Variants in RALYL observed in about 807,000 individuals in gnomAD.
The protein encoded by RALYL is RNA-binding Raly-like protein.
RALYL carries 29 observed loss-of-function variants against 35.1 expected under a neutral mutation model. The ratio of observed to expected loss-of-function variants is 0.83; its 90% CI spans 0.61 to 1.13. The LOEUF (loss-of-function observed/expected upper bound fraction) is 1.13. Among genes scored for constraint, RALYL ranks in the 50% most tolerant of loss-of-function variants. The pLI is 0.00. For synonymous variants in RALYL, 120 were observed against 127.6 expected, an observed-to-expected ratio of 0.94 and a Z score of 0.40; for missense variants, 359 against 360.4, an observed-to-expected ratio of 1.00 and a Z score of 0.03.
intron 2 of RALYL, among the ~76,000 whole-genome samples, chr8:84,715,436 G>A (rs111651968): frequency 4.6e-3 from 699 of 151,878 alleles, no homozygotes; most frequent in African/African-American, 0.015. Context: ...GAGTTAAAAA[G>A]CAACCTTATA....
chr8:84,221,472 A>G (rs913752224), intron 1 of RALYL, among the ~76,000 whole-genome samples: 3 of 152,058 alleles, frequency 2.0e-5, no homozygotes, highest in African/African-American at 7.2e-5. Flanking sequence ...GCTCTGGGGA[A>G]ATCTTGGGTT....
intron 2 of RALYL, among the ~76,000 whole-genome samples, chr8:84,621,360 C>T (rs1004396786): frequency 4.6e-5 from 7 of 152,126 alleles, no homozygotes; most frequent in Non-Finnish European, 8.8e-5. Context: ...CCCAATTTTC[C>T]AGGTGCCGGC....
In RALYL at chr8:84,342,297, A is replaced by G. The variant is rs1032721680; in HGVS notation, c.-24+157873A>G. Among the ~76,000 whole-genome samples, 20 of 54,816 alleles carry G rather than the reference A, an allele frequency of 3.6e-4. 3 individuals are homozygous for G. Among genetic ancestry groups the G allele is most frequent in the African/African-American group, 2.5e-3 (18 of 7,166 alleles). 36.0% of individuals were successfully genotyped at this position (54,816 alleles called of 152,430 possible). ...CGTTCAATATATATATATATATATAAAACTCAAAAAGTGTGGTCCTCCCAA... is the reference window on the plus strand; with the variant it reads ...CGTTCAATATATATATATATATATAGAACTCAAAAAGTGTGGTCCTCCCAA... On this transcript the variant is annotated intron_variant, in intron 1 of 8. Coordinates refer to ENST00000521268, the MANE Select transcript of RALYL (RefSeq NM_173848.7).
chr8:84,848,437 GTA>G (rs34063344), intron 4 of RALYL, among the ~76,000 whole-genome samples: 43 of 148,478 alleles, frequency 2.9e-4, no homozygotes, highest in African/African-American at 9.1e-4. Flanking sequence ...GTGTGTGTGT[GTA>G]TATATATATA....
intron 2 of RALYL, among the ~76,000 whole-genome samples, chr8:84,667,428 G>A (rs981696536): frequency 6.6e-6 from 1 of 151,866 alleles, no homozygotes; most frequent in Non-Finnish European, 1.5e-5. Flanking sequence ...TAGTATATTT[G>A]CCATAATTTT....
intron 1 of RALYL, among the ~76,000 whole-genome samples, chr8:84,445,534 A>T (rs2048760599): frequency 6.6e-6 from 1 of 151,890 alleles, no homozygotes; most frequent in Non-Finnish European, 1.5e-5. Flanking sequence ...TGCATATCAT[A>T]GTTCTATGTT....
At chr8:84,487,703 G>A (rs1180053196) in intron 1 of RALYL, among the ~76,000 whole-genome samples, 1 of 152,030 alleles carries the variant, frequency 6.6e-6, no homozygotes, top group African/African-American at 2.4e-5. Context: ...TCAAAAAATG[G>A]ACTGCAAAGC....
chr8:84,551,091 C>G (rs2060689910), intron 2 of RALYL, among the ~76,000 whole-genome samples: 1 of 151,590 alleles, frequency 6.6e-6, no homozygotes, highest in African/African-American at 2.4e-5. Context: ...CACTGAATAA[C>G]TCTAGTTTTT....
intron 1 of RALYL, among the ~76,000 whole-genome samples, chr8:84,426,583 C>G (rs2046494737): frequency 6.6e-6 from 1 of 152,014 alleles, no homozygotes; most frequent in African/African-American, 2.4e-5. Context: ...TAGCAAATGA[C>G]AAGATCTTGT....
intron 1 of RALYL, among the ~76,000 whole-genome samples, chr8:84,284,354 T>C (rs1050137493): frequency 6.6e-6 from 1 of 152,158 alleles, no homozygotes; most frequent in Non-Finnish European, 1.5e-5. Context: ...GTTTTTTAGC[T>C]TCAAAAGTCA....
chr8:84,462,475 C>G (rs1281141533), intron 1 of RALYL, among the ~76,000 whole-genome samples: 2 of 150,132 alleles, frequency 1.3e-5, no homozygotes, highest in Non-Finnish European at 3.0e-5. Context: ...CTTGCCAAAC[C>G]TAAGGTCACC....
At chr8:84,338,230 G>A (rs920724820) in intron 1 of RALYL, among the ~76,000 whole-genome samples, 1 of 151,752 alleles carries the variant, frequency 6.6e-6, no homozygotes, top group Non-Finnish European at 1.5e-5. Flanking sequence ...TCATTTTATA[G>A]GTAAGAGAAA....
At chr8:84,496,385 G>A (rs1232130683) in intron 1 of RALYL, among the ~76,000 whole-genome samples, 1 of 152,046 alleles carries the variant, frequency 6.6e-6, no homozygotes, top group Admixed American at 6.6e-5. Context: ...TTTCAGATAG[G>A]ATGGCAGCAT....
chr8:84,512,694 G>A (rs2057723554), intron 1 of RALYL, among the ~76,000 whole-genome samples: 1 of 151,928 alleles, frequency 6.6e-6, no homozygotes, highest in Admixed American at 6.6e-5. Flanking sequence ...ATCCATTTTG[G>A]TTTATTTTTG....
At chr8:84,543,221 G>T in intron 2 of RALYL, among the ~76,000 whole-genome samples, 1 of 151,076 alleles carries the variant, frequency 6.6e-6, no homozygotes, top group Non-Finnish European at 1.5e-5. Flanking sequence ...TCCTTTTTTG[G>T]TGCTAACAGC....
intron 1 of RALYL, among the ~76,000 whole-genome samples, chr8:84,514,043 G>A (rs192205310): frequency 5.7e-5 from 7 of 121,944 alleles, no homozygotes; most frequent in South Asian, 2.8e-4. Context: ...GCAGTGAGCC[G>A]AAATCACACC....
chr8:84,674,258 C>T (rs1448348793), intron 2 of RALYL, among the ~76,000 whole-genome samples: 1 of 152,118 alleles, frequency 6.6e-6, no homozygotes, highest in Non-Finnish European at 1.5e-5. Flanking sequence ...TGCTTATTAG[C>T]TTAAGAAGCT....
intron 1 of RALYL, among the ~76,000 whole-genome samples, chr8:84,377,449 C>CTGTTTTTTTTTTTGTTTGTTTGTTTGTT (rs1857120214): frequency 9.7e-6 from 1 of 103,326 alleles, no homozygotes; most frequent in African/African-American, 4.8e-5. Context: ...CAAAGGTTAA[C>CTGTTTTTTTTTTTGTTTGTTTGTTTGTT]TGTTTTTTTT....
intron 1 of RALYL, among the ~76,000 whole-genome samples, chr8:84,368,552 C>T (rs549632124): frequency 1.3e-5 from 2 of 152,258 alleles, no homozygotes; most frequent in South Asian, 2.1e-4. Context: ...AATGGACTCA[C>T]AGTTCCACGT....
Sources: gnomAD v4.1 joint callset for allele counts (sites outside exome capture counted in the v4.1 genomes callset) on GRCh38, gnomAD v4.1.1 for gene constraint, MANE v1.5 for transcripts, NCBI Gene and HGNC (gene_info 2026-07-23, HGNC 2026-07-21) for gene names.